APPL1: variants seen among roughly 807,000 people sequenced by gnomAD.
The protein encoded by APPL1 is DCC-interacting protein 13-alpha.
A neutral mutation model predicts 106.8 loss-of-function variants in APPL1; 42 were observed. The observed-to-expected ratio is 0.39, with a 90% confidence interval of 0.31 to 0.51. APPL1 has a LOEUF of 0.51. APPL1 is among the 20% of genes least tolerant of loss of function. The pLI, the probability that APPL1 is intolerant of heterozygous loss-of-function variation, is 0.75. For synonymous variants in APPL1, 263 were observed against 281.8 expected (o/e 0.93, Z 0.67); for missense variants, 769 against 858.2 (o/e 0.90, Z 1.30).
chr3:57,240,657 ACT>A, intron 5 of APPL1, 105 bp downstream of exon 5: 1 of 967,314 alleles, frequency 1.0e-6, no homozygotes, highest in Non-Finnish European at 1.6e-6. Flanking sequence ...AGCCTATGCC[ACT>A]CTTACTTTGC....
At position 57,228,187 on chromosome 3, in the gene APPL1, C is replaced by T. The variant is rs1240103929; in HGVS notation, c.54+250C>T. The stretch of plus-strand genomic sequence containing the variant: ...GAGCCGCTGGTGCTCGTGGGCCGGG[C>T]GGTCACGTACGCGCGCGGGTCCTTT... On this transcript the variant is annotated intron_variant, in intron 1 of 21. Transcript: ENST00000288266. The surrounding 1 kb of genome is among the most constrained non-coding windows in gnomAD (Gnocchi z 4.6). 6.6e-6 allele frequency among the ~76,000 whole-genome samples: 1 copy of T among 152,034 alleles called. No homozygotes were observed. Among genetic ancestry groups the T allele is most frequent in the African/African-American group, 2.4e-5 (1 of 41,420 alleles).
chr3:57,236,721 A>G (rs1193369615), intron 2 of APPL1, among the ~76,000 whole-genome samples: 1 of 152,238 alleles, frequency 6.6e-6, no homozygotes, highest in African/African-American at 2.4e-5. Context: ...TCTGGAGTAC[A>G]AGAAGATGAA....
intron 1 of APPL1, among the ~76,000 whole-genome samples, chr3:57,229,343 C>G (rs1017747577): frequency 6.6e-6 from 1 of 151,750 alleles, no homozygotes; most frequent in African/African-American, 2.4e-5. Flanking sequence ...TTTTAATAGC[C>G]CATAAAGACT....
chr3:57,236,044 C>CT (rs34912084), intron 2 of APPL1, among the ~76,000 whole-genome samples: 26,494 of 131,196 alleles, frequency 0.2, 3,287 homozygotes, highest in Non-Finnish European at 0.28. Context: ...CCCACCCCCA[C>CT]TTTTTTTTTT....
intron 7 of APPL1, 117 bp downstream of exon 7, chr3:57,243,031 A>C (rs2107600605): frequency 2.8e-6 from 2 of 708,028 alleles, no homozygotes; most frequent in East Asian, 5.5e-5. Context: ...TATTACTATT[A>C]GTTTATTCTT....
intron 10 of APPL1, among the ~76,000 whole-genome samples, chr3:57,248,603 C>T (rs2060787252): frequency 6.6e-6 from 1 of 152,188 alleles, no homozygotes; most frequent in African/African-American, 2.4e-5. Flanking sequence ...GGCATGGTGG[C>T]TCACGCCTGT....
intron 2 of APPL1, 145 bp downstream of exon 2, chr3:57,235,809 A>G: frequency 1.8e-6 from 1 of 555,962 alleles, no homozygotes; most frequent in Non-Finnish European, 3.3e-6. Context: ...ATTAATGAAC[A>G]TTGAGTGTAT....
chr3:57,231,579 A>G (rs1250790734), intron 1 of APPL1, among the ~76,000 whole-genome samples: 3 of 151,938 alleles, frequency 2.0e-5, no homozygotes, highest in African/African-American at 7.3e-5. Flanking sequence ...ACAGTGGCTC[A>G]TGCTTGTAAA....
chr3:57,263,506 C>A (rs989693923), intron 19 of APPL1, among the ~76,000 whole-genome samples: 2 of 151,402 alleles, frequency 1.3e-5, no homozygotes, highest in Non-Finnish European at 2.9e-5. Flanking sequence ...TGAAAACATG[C>A]AATATTTGTC....
intron 7 of APPL1, among the ~76,000 whole-genome samples, chr3:57,245,741 C>T (rs2060770318): frequency 6.6e-6 from 1 of 151,700 alleles, no homozygotes; most frequent in South Asian, 2.1e-4. Flanking sequence ...GAGTCGGTTT[C>T]ACCATGTTGG....
At position 57,260,267 on chromosome 3, in the gene APPL1, T is replaced by C. The variant is rs1533272; in HGVS notation, c.1695+114T>C. ...TCAAGTGTGATAGTATCAGCTATGATTGGTCTTTGGCTGTTGTAGTTAAGT... is the reference window on the plus strand; with the variant it reads ...TCAAGTGTGATAGTATCAGCTATGACTGGTCTTTGGCTGTTGTAGTTAAGT... On this transcript the variant is annotated intron_variant, in intron 18 of 21. Coordinates refer to ENST00000288266, the MANE Select transcript of APPL1 (RefSeq NM_012096.3). The C allele has an allele frequency of 0.41, 478,926 of 1,173,986 alleles. 105,428 individuals are homozygous for C. The highest frequency in any genetic ancestry group is 0.86 in the East Asian group (33,358 of 38,870). The allele number at this position is 1,173,986 out of a possible 1,614,324, so 72.7% of individuals were successfully genotyped here.
chr3:57,238,844 C>T (rs1239592253), intron 4 of APPL1, among the ~76,000 whole-genome samples: 6 of 152,186 alleles, frequency 3.9e-5, no homozygotes, highest in Admixed American at 3.9e-4. Flanking sequence ...ATTCACAGTG[C>T]TATGCAACCA....
Position 57,228,007 on chromosome 3 carries a change from G to T in APPL1, c.54+70G>T. On this transcript the variant is annotated intron_variant, in intron 1 of 21. Coordinates refer to ENST00000288266, the MANE Select transcript of APPL1 (RefSeq NM_012096.3). The surrounding 1 kb of genome is among the most constrained non-coding windows in gnomAD (Gnocchi z 4.6). ...CCGACCCCAGGTCTGGCGCCTCCGCGGCTCCCGCAGGTGCCCGCCCCGGCC... is the reference window on the plus strand; with the variant it reads ...CCGACCCCAGGTCTGGCGCCTCCGCTGCTCCCGCAGGTGCCCGCCCCGGCC... 1 of 1,288,212 alleles carries T rather than the reference G, an allele frequency of 7.8e-7. No homozygotes were observed. 79.8% of individuals were successfully genotyped at this position (1,288,212 alleles called of 1,614,324 possible). A position where few individuals can be genotyped will look rare whatever the true frequency, so the allele number is the denominator to read the frequency against.
At chr3:57,248,143 G>A (rs949014071) in intron 9 of APPL1, 50 bp from the exon 10 acceptor site, 3 of 1,556,282 alleles carry the variant, frequency 1.9e-6, no homozygotes, top group Admixed American at 3.7e-5. Flanking sequence ...TGATTGGTAA[G>A]GAGTTCTTTA....
rs1329989662 is a variant in APPL1 at position 57,227,933 on chromosome 3, C to T, written c.50C>T (p.Pro17Leu). Reference sequence around the variant, plus strand: ...ATCGAGGAGACGCTGGAGGACAGCCCGCAGGTGAGGCGCGGGAGCTGGTGG... The same window carrying T: ...ATCGAGGAGACGCTGGAGGACAGCCTGCAGGTGAGGCGCGGGAGCTGGTGG... ...LPIEETLEDS[P>L]QTRSLLGVFE... Residue 17 changes from proline to leucine, a missense_variant, in exon 1 of 22, where the codon CCG becomes CTG. Physicochemically the swap from Pro to Leu is moderately conservative, Grantham distance 98. Transcript: ENST00000288266. 1.4e-6 allele frequency: 2 copies of T among 1,448,866 alleles called. No individual in the cohort carries two copies. Among genetic ancestry groups the T allele is most frequent in the South Asian group, 1.3e-5 (1 of 74,910 alleles). 89.8% of individuals were successfully genotyped at this position (1,448,866 alleles called of 1,614,324 possible).
At chr3:57,234,550 G>T (rs1332913394) in intron 1 of APPL1, among the ~76,000 whole-genome samples, 1 of 151,742 alleles carries the variant, frequency 6.6e-6, no homozygotes, top group Admixed American at 6.6e-5. Context: ...CACCCGCCTC[G>T]GCCTCCCAAA....
At chr3:57,269,207 G>T (rs2060917447) in intron 21 of APPL1, 1 of 172,798 alleles carries the variant, frequency 5.8e-6, no homozygotes, top group Non-Finnish European at 1.2e-5. Context: ...CTGGAGAGGG[G>T]AAGGGAAAGG....
In APPL1 at chr3:57,245,340, C is replaced by T. The variant is rs986666423; in HGVS notation, c.475-736C>T. On this transcript the variant is annotated intron_variant, in intron 7 of 21. Coordinates refer to ENST00000288266, the MANE Select transcript of APPL1 (RefSeq NM_012096.3). ...TATTTCAAGTATGGGTGAAGGAAGA[C>T]AAGCAAGTGCAAGAGAGGAAGACTG... 8.5e-5 allele frequency among the ~76,000 whole-genome samples: 13 copies of T among 152,176 alleles called. 1 individual carries two copies. The East Asian group carries it at 2.3e-3, about 27-fold the overall frequency.
rs761054895 is a variant in APPL1, at chr3:57,252,340, T to C, written c.1095+29T>C. 10 of 1,523,556 alleles carry C rather than the reference T, an allele frequency of 6.6e-6. No homozygotes were observed. The Middle Eastern group carries it at 5.5e-4, about 83-fold the overall frequency. The allele number at this position is 1,523,556 out of a possible 1,614,324, so 94.4% of individuals were successfully genotyped here. ...AGATTTTACCTAGTTCATTTCTTCA[T>C]TGACATTTTAAAATATTTTTCTGAT... On this transcript the variant is annotated intron_variant, in intron 12 of 21. Coordinates refer to ENST00000288266, the MANE Select transcript of APPL1 (RefSeq NM_012096.3).
Sources: gnomAD v4.1 joint callset for allele counts (sites outside exome capture counted in the v4.1 genomes callset) on GRCh38, gnomAD v4.1.1 for gene constraint, Gnocchi (gnomAD v3.1) non-coding constraint, MANE v1.5 for transcripts, NCBI Gene and HGNC (gene_info 2026-07-23, HGNC 2026-07-21) for gene names.